The following CACNG3 variants were observed in gnomAD, a reference collection of about 807,000 sequenced individuals.
CACNG3 encodes the protein calcium voltage-gated channel auxiliary subunit gamma 3.
In CACNG3, 3 loss-of-function variants were observed where a neutral mutation model predicts 28.5. The ratio of observed to expected loss-of-function variants is 0.11; its 90% CI spans 0.05 to 0.27. The LOEUF is 0.27. Ranked by LOEUF, CACNG3 falls within the 10% of genes least tolerant of loss-of-function variation. The pLI, the probability that CACNG3 is intolerant of heterozygous loss-of-function variation, is 1.00. For synonymous variants in CACNG3, 174 were observed against 162.2 expected, an observed-to-expected ratio of 1.07 and a Z score of -0.55; for missense variants, 236 against 414.4, an observed-to-expected ratio of 0.57 and a Z score of 3.74.
intron 1 of CACNG3, among the ~76,000 whole-genome samples, chr16:24,342,287 A>T (rs937417278): frequency 1.4e-4 from 22 of 152,218 alleles, no homozygotes; most frequent in African/African-American, 5.1e-4. Context: ...TAAAATAAAA[A>T]TAAAATAAAA....
At chr16:24,297,275 A>AAAATAAAAT (rs928618629) in intron 1 of CACNG3, among the ~76,000 whole-genome samples, 10 of 126,490 alleles carry the variant, frequency 7.9e-5, no homozygotes, top group African/African-American at 4.0e-4. Context: ...AAAATAAAAT[A>AAAATAAAAT]AAATAAATAA....
At chr16:24,304,588 T>C (rs1449585092) in intron 1 of CACNG3, among the ~76,000 whole-genome samples, 1 of 152,280 alleles carries the variant, frequency 6.6e-6, no homozygotes, top group African/African-American at 2.4e-5. Context: ...TTTTGTTTTG[T>C]TTTTATAGAC....
At chr16:24,285,875 G>A (rs1426216344) in intron 1 of CACNG3, among the ~76,000 whole-genome samples, 24 of 125,156 alleles carry the variant, frequency 1.9e-4, no homozygotes, top group African/African-American at 5.0e-4. Flanking sequence ...ATAGGGTCTC[G>A]CTCTGTCACC....
chr16:24,312,920 G>GAAGA lies in CACNG3; in HGVS notation c.212-33781_212-33778dup, dbSNP rs374395697. Among the ~76,000 whole-genome samples the GAAGA allele has an allele frequency of 8.2e-3, 1,001 of 122,094 alleles. 9 individuals are homozygous for GAAGA. The highest frequency in any genetic ancestry group is 0.021 in the Middle Eastern group (5 of 240). The allele number at this position is 122,094 out of a possible 152,430, so 80.1% of individuals were successfully genotyped here. A position where few individuals can be genotyped will look rare whatever the true frequency, so the allele number is the denominator to read the frequency against. Reference sequence around the variant, plus strand: ...GGAAAGAAAGAAGGAAGGAAGGAAGGAAGAAAGAAAGAAAGAAAGAAAGAA... The same window carrying GAAGA: ...GGAAAGAAAGAAGGAAGGAAGGAAGGAAGAAAGAAAGAAAGAAAGAAAGAAAGAA... On this transcript the variant is annotated intron_variant, in intron 1 of 3. Coordinates refer to ENST00000005284, the MANE Select transcript of CACNG3 (RefSeq NM_006539.4).
rs150702763 is a variant in CACNG3 at position 24,329,514 on chromosome 16, G to T, written c.212-17220G>T. ...TTAAACATAGGCTCCAGTTTTGCAG[G>T]TTTGATTCTGCACATGTTTATGTAG... On this transcript the variant is annotated intron_variant, in intron 1 of 3. Coordinates refer to ENST00000005284, the MANE Select transcript of CACNG3 (RefSeq NM_006539.4). 9.2e-5 allele frequency among the ~76,000 whole-genome samples: 14 copies of T among 152,306 alleles called. No individual in the cohort carries two copies. In the East Asian group the frequency reaches 1.9e-3, roughly 21 times the overall value.
chr16:24,317,786 GT>G (rs1350635802), intron 1 of CACNG3, among the ~76,000 whole-genome samples: 1 of 152,188 alleles, frequency 6.6e-6, no homozygotes, highest in Non-Finnish European at 1.5e-5. Context: ...ATCCTCTTGA[GT>G]TATGGCCCAG....
chr16:24,267,142 A>G (rs1898621945), intron 1 of CACNG3, among the ~76,000 whole-genome samples: 1 of 151,446 alleles, frequency 6.6e-6, no homozygotes, highest in African/African-American at 2.4e-5. Flanking sequence ...AATTTTTTAT[A>G]TTTTTAGTAA....
At chr16:24,359,875 A>G (rs1036289379) in intron 3 of CACNG3, among the ~76,000 whole-genome samples, 1 of 152,114 alleles carries the variant, frequency 6.6e-6, no homozygotes, top group African/African-American at 2.4e-5. Context: ...AAAACAAAAC[A>G]AAACAAAACA....
At chr16:24,345,069 T>A (rs912765674) in intron 1 of CACNG3, among the ~76,000 whole-genome samples, 1 of 152,224 alleles carries the variant, frequency 6.6e-6, no homozygotes, top group Non-Finnish European at 1.5e-5. Flanking sequence ...GCTATGTGCC[T>A]GGCCAATTGG....
At chr16:24,279,173 CAG>C (rs1567209063) in intron 1 of CACNG3, among the ~76,000 whole-genome samples, 1 of 152,114 alleles carries the variant, frequency 6.6e-6, no homozygotes, top group Admixed American at 6.5e-5. Flanking sequence ...CTAGGGGAAA[CAG>C]AAATTCTTTG....
Position 24,317,646 on chromosome 16 carries a change from A to G in CACNG3, c.212-29088A>G, listed in dbSNP as rs531024540. Among the ~76,000 whole-genome samples, 514 of 52,240 alleles carry G rather than the reference A, an allele frequency of 9.8e-3. 19 individuals are homozygous for G. Among genetic ancestry groups the G allele is most frequent in the Middle Eastern group, 0.019 (2 of 104 alleles). 34.3% of individuals were successfully genotyped at this position (52,240 alleles called of 152,430 possible). On this transcript the variant is annotated intron_variant, in intron 1 of 3. Coordinates refer to ENST00000005284, the MANE Select transcript of CACNG3 (RefSeq NM_006539.4). ...AGAAAGACAGACAGAAAGAAAGAAA[A>G]GAAAAGAAAGAAAGAAAGAAAGAAA...
At chr16:24,317,558 G>C (rs555814518) in intron 1 of CACNG3, among the ~76,000 whole-genome samples, 8 of 16,850 alleles carry the variant, frequency 4.7e-4, no homozygotes, top group Middle Eastern at 0.053. Flanking sequence ...AAAAGAAAAA[G>C]AAAGAAAGAA....
chr16:24,277,460 C>T (rs999507628), intron 1 of CACNG3, among the ~76,000 whole-genome samples: 3 of 152,072 alleles, frequency 2.0e-5, no homozygotes, highest in Admixed American at 6.6e-5. Context: ...TCAGGAGTAC[C>T]GAGGTTGAGA....
At chr16:24,344,448 C>G (rs1899832026) in intron 1 of CACNG3, among the ~76,000 whole-genome samples, 1 of 151,698 alleles carries the variant, frequency 6.6e-6, no homozygotes, top group African/African-American at 2.4e-5. Context: ...AGAATGGTAC[C>G]TGGTATATAG....
intron 1 of CACNG3, among the ~76,000 whole-genome samples, chr16:24,345,254 C>A (rs114972173): frequency 0.014 from 2,068 of 152,308 alleles, 52 homozygotes; most frequent in African/African-American, 0.046. Flanking sequence ...GCCCGCCCCC[C>A]TGATTCCACT....
chr16:24,265,469 G>GGA (rs139752998), intron 1 of CACNG3, among the ~76,000 whole-genome samples: 29,592 of 146,096 alleles, frequency 0.2, 3,399 homozygotes, highest in Non-Finnish European at 0.27. Flanking sequence ...AAGGAAGGAA[G>GGA]GAGAGAGAGA....
At chr16:24,337,076 A>C (rs1201662368) in intron 1 of CACNG3, among the ~76,000 whole-genome samples, 1 of 152,092 alleles carries the variant, frequency 6.6e-6, no homozygotes, top group African/African-American at 2.4e-5. Flanking sequence ...GGCCTCCAAA[A>C]GTGCTGGGAT....
intron 1 of CACNG3, among the ~76,000 whole-genome samples, chr16:24,276,719 C>A (rs745930258): frequency 3.5e-4 from 53 of 152,154 alleles, no homozygotes; most frequent in Non-Finnish European, 6.9e-4. Context: ...GATTAAAATG[C>A]AACCCTGCTG....
intron 1 of CACNG3, among the ~76,000 whole-genome samples, chr16:24,327,045 TG>T (rs1899557134): frequency 7.3e-6 from 1 of 136,760 alleles, no homozygotes; most frequent in African/African-American, 2.8e-5. Context: ...GCGGTAAATG[TG>T]ATGGTAGCCT....
Sources: gnomAD v4.1 joint callset for allele counts (sites outside exome capture counted in the v4.1 genomes callset) on GRCh38, gnomAD v4.1.1 for gene constraint, MANE v1.5 for transcripts, NCBI Gene and HGNC (gene_info 2026-07-23, HGNC 2026-07-21) for gene names.